CAPG: variants seen among roughly 807,000 people sequenced by gnomAD.
The protein encoded by CAPG is capping actin protein, gelsolin like.
CAPG carries 32 observed loss-of-function variants against 44.6 expected under a neutral mutation model. The observed-to-expected ratio is 0.72, with a 90% confidence interval of 0.54 to 0.96. The LOEUF (loss-of-function observed/expected upper bound fraction) is 0.96, where lower values mean the gene tolerates loss of function less well. Ranked by LOEUF, CAPG falls within the 50% of genes least tolerant of loss-of-function variation. The pLI is 0.00. For missense variants in CAPG, 412 were observed against 438.3 expected (o/e 0.94, Z 0.54); for synonymous variants, 175 against 179.6 (o/e 0.97, Z 0.20).
At chr2:85,406,656 C>T (rs1239237658) in intron 1 of CAPG, among the ~76,000 whole-genome samples, 1 of 151,948 alleles carries the variant, frequency 6.6e-6, no homozygotes, top group Non-Finnish European at 1.5e-5. Flanking sequence ...GTCGGGAGTT[C>T]GAGACCAGCC....
At chr2:85,394,011 T>C (rs1022058235), downstream of CAPG, among the ~76,000 whole-genome samples, 1 of 152,162 alleles carries the variant, frequency 6.6e-6, no homozygotes, top group Non-Finnish European at 1.5e-5. Context: ...TGAGTCAGGG[T>C]GGTTGCAGCC....
chr2:85,401,736 C>T (rs1686904465), intron 3 of CAPG, 49 bp downstream of exon 3: 1 of 1,613,040 alleles, frequency 6.2e-7, no homozygotes, highest in Non-Finnish European at 8.5e-7. Flanking sequence ...ATACCAGCCC[C>T]CTCCCTCCCC....
Position 85,398,099 on chromosome 2 carries a change from T to G in CAPG, c.813A>C (p.Pro271=), listed in dbSNP as rs6885. 390,606 of 1,613,498 alleles carry G rather than the reference T, an allele frequency of 0.24. 49,640 individuals carry two copies. Among genetic ancestry groups the G allele is most frequent in the African/African-American group, 0.38 (28,124 of 74,922 alleles). The change falls in exon 8 of 10, where the codon CCA becomes CCC. Residue 271 remains proline, a synonymous_variant. Transcript: ENST00000263867. ...CAGATATCAGCAGTTCAAGGGCAAA[T>G]GGGCTGGAGTCAGCCACCTTGGTCA... ...MNLTKVADSS[P]FALELLISDD...
rs551777327 is a variant in CAPG, at chr2:85,397,970, G to A, written c.892+50C>T. The A allele has an allele frequency of 3.7e-4, 588 of 1,584,156 alleles. 9 individuals are homozygous for A. In the South Asian group the frequency reaches 5.5e-3, roughly 15 times the overall value. On this transcript the variant is annotated intron_variant, in intron 8 of 9. Coordinates refer to ENST00000263867, the MANE Select transcript of CAPG (RefSeq NM_001747.4). ...GAGTCCTGCAAAGGGAAGCCTGCCC[G>A]GGTCAGAGCAGCTACAGGCATCTCA... is the stretch of plus-strand genomic sequence containing the variant.
upstream of CAPG, chr2:85,419,171 G>C (rs567381753): frequency 6.6e-6 from 1 of 152,506 alleles, no homozygotes; most frequent in Admixed American, 6.5e-5. Flanking sequence ...TAGGTCCCAG[G>C]GTGTGCAGGC....
chr2:85,414,784 CTCT>C (rs1687514719), upstream of CAPG, among the ~76,000 whole-genome samples: 1 of 152,200 alleles, frequency 6.6e-6, no homozygotes, highest in African/African-American at 2.4e-5. Flanking sequence ...CCTGACCCTT[CTCT>C]TCTTTATTCA....
At chr2:85,410,570 C>G (rs1687376782), upstream of CAPG, 1 of 152,420 alleles carries the variant, frequency 6.6e-6, no homozygotes, top group Non-Finnish European at 1.5e-5. Context: ...GAGGGGCACA[C>G]AGGGAGGCTG....
chr2:85,400,773 C>T (rs991556271), intron 5 of CAPG, among the ~76,000 whole-genome samples: 6 of 152,196 alleles, frequency 3.9e-5, no homozygotes, highest in Admixed American at 3.9e-4. Context: ...TCATCACATC[C>T]TGCCTCAGGT....
Position 85,401,246 on chromosome 2 carries a change from C to T in CAPG, c.435G>A (p.Lys145=). Reference sequence around the variant, plus strand: ...CCCGCTCGGTGGCACGGATGTTCTTCTTCCCCTTCACCTGGTAGAGTTTCT... The same window carrying T: ...CCCGCTCGGTGGCACGGATGTTCTTTTTCCCCTTCACCTGGTAGAGTTTCT... ...AIKKLYQVKG[K]KNIRATERAL... The change falls in exon 5 of 10, where the codon AAG becomes AAA. Residue 145 remains lysine (K), a synonymous_variant. Coordinates refer to ENST00000263867, the MANE Select transcript of CAPG (RefSeq NM_001747.4). 6.2e-7 allele frequency: 1 copy of T among 1,614,184 alleles called. No individual in the cohort carries two copies. Among genetic ancestry groups the T allele is most frequent in the South Asian group, 1.1e-5 (1 of 91,092 alleles).
chr2:85,408,753 G>A (rs1687287547), intron 1 of CAPG: 1 of 152,152 alleles, frequency 6.6e-6, no homozygotes, highest in Non-Finnish European at 1.5e-5. Flanking sequence ...CTTCCTCTAA[G>A]TGGGGAATGT....
intron 1 of CAPG, among the ~76,000 whole-genome samples, chr2:85,405,503 G>C (rs1222397253): frequency 6.6e-6 from 1 of 152,138 alleles, no homozygotes; most frequent in Non-Finnish European, 1.5e-5. Flanking sequence ...CTTGGGGGCT[G>C]GGGCAGCAGG....
intron 1 of CAPG, among the ~76,000 whole-genome samples, chr2:85,417,555 T>C (rs1687589768): frequency 6.8e-6 from 1 of 147,278 alleles, no homozygotes; most frequent in African/African-American, 2.5e-5. Context: ...CCATCTCGGC[T>C]CACTGCAAAC....
upstream of CAPG, among the ~76,000 whole-genome samples, chr2:85,413,608 CA>C (rs1004232934): frequency 1.6e-4 from 24 of 152,214 alleles, no homozygotes; most frequent in African/African-American, 5.8e-4. Context: ...AACAGCGAAA[CA>C]AAAGGGCCGG....
upstream of CAPG, among the ~76,000 whole-genome samples, chr2:85,414,638 C>T (rs959727160): frequency 6.6e-6 from 1 of 151,630 alleles, no homozygotes; most frequent in Non-Finnish European, 1.5e-5. Context: ...CACTCTATTG[C>T]CCAGGTTGGT....
chr2:85,403,082 T>C lies in CAPG; in HGVS notation c.-13-924A>G, dbSNP rs949969869. Among the ~76,000 whole-genome samples the C allele has an allele frequency of 2.0e-5, 3 of 152,158 alleles. No homozygotes were observed. The East Asian group carries it at 5.8e-4, about 29-fold the overall frequency. ...CACCGTGCCTGGCAAGTTGTTTTTT[T>C]AAACCGATAAAATTGATAAATCTTT... On this transcript the variant is annotated intron_variant, in intron 1 of 9. Coordinates refer to ENST00000263867, the MANE Select transcript of CAPG (RefSeq NM_001747.4).
chr2:85,407,593 A>C (rs1687218077), intron 1 of CAPG, among the ~76,000 whole-genome samples: 1 of 151,454 alleles, frequency 6.6e-6, no homozygotes, highest in African/African-American at 2.4e-5. Context: ...CACACCTGTC[A>C]TCCTAGCTAC....
At chr2:85,411,743 G>A (rs1017287191), upstream of CAPG, among the ~76,000 whole-genome samples, 18 of 152,146 alleles carry the variant, frequency 1.2e-4, no homozygotes, top group Admixed American at 9.2e-4. Context: ...TTATTTGACT[G>A]CGTGGGAAAA....
chr2:85,399,444 G>A (rs1392113220), intron 5 of CAPG, among the ~76,000 whole-genome samples, 159 bp from the exon 6 acceptor site: 1 of 152,192 alleles, frequency 6.6e-6, no homozygotes, highest in Non-Finnish European at 1.5e-5. Flanking sequence ...CTCTGAAAAT[G>A]CCCACGACCA....
intron 5 of CAPG, among the ~76,000 whole-genome samples, chr2:85,399,523 C>T (rs1457492208): frequency 1.3e-5 from 2 of 152,210 alleles, no homozygotes; most frequent in African/African-American, 4.8e-5. Flanking sequence ...CAGGGTCTCA[C>T]TCTGTCATCC....
Sources: gnomAD v4.1 joint callset for allele counts (sites outside exome capture counted in the v4.1 genomes callset) on GRCh38, gnomAD v4.1.1 for gene constraint, MANE v1.5 for transcripts, NCBI Gene and HGNC (gene_info 2026-07-23, HGNC 2026-07-21) for gene names.